The following HBS1L variants were observed in gnomAD, a reference collection of about 807,000 sequenced individuals.
HBS1L encodes HBS1-like protein.
Under a neutral mutation model 88.9 loss-of-function variants are expected in HBS1L, and 55 were observed. The ratio of observed to expected loss-of-function variants is 0.62; its 90% CI spans 0.50 to 0.77. The LOEUF is 0.77. Among genes scored for constraint, HBS1L ranks in the 30% least tolerant of loss-of-function variants. The probability of loss-of-function intolerance (pLI) is 0.00; values close to 1 mark genes in which losing one functional copy is unlikely to be tolerated. For missense variants in HBS1L, 741 were observed against 829.3 expected, an observed-to-expected ratio of 0.89 and a Z score of 1.31; for synonymous variants, 267 against 288.5, an observed-to-expected ratio of 0.93 and a Z score of 0.76.
At chr6:134,969,178 T>C in intron 16 of HBS1L, 60 bp downstream of exon 16, 1 of 1,070,280 alleles carries the variant, frequency 9.3e-7, no homozygotes, top group Non-Finnish European at 1.5e-6. Context: ...CACAAATGAG[T>C]TAATCTTTAA....
intron 4 of HBS1L, among the ~76,000 whole-genome samples, chr6:135,009,921 T>C (rs1327648072): frequency 2.0e-5 from 3 of 152,052 alleles, no homozygotes; most frequent in Admixed American, 2.0e-4. Flanking sequence ...TGAACCACCG[T>C]GCCCGGCCTA....
At chr6:134,979,879 T>C (rs1454366945) in intron 13 of HBS1L, among the ~76,000 whole-genome samples, 5 of 151,982 alleles carry the variant, frequency 3.3e-5, no homozygotes, top group African/African-American at 9.7e-5. Flanking sequence ...AAGAAAAATA[T>C]TAAGGAAATA....
At position 134,979,711 on chromosome 6, in the gene HBS1L, C is replaced by T. The variant is rs78380581; in HGVS notation, c.1598-443G>A. On this transcript the variant is annotated intron_variant, in intron 13 of 17. Transcript: ENST00000367837. ...CGAGTTTTGCTTTTAATTAGACAAC[C>T]ACCTAAACAAATAATCCTTGTTTTC... is the stretch of plus-strand genomic sequence containing the variant. 9.4e-4 allele frequency among the ~76,000 whole-genome samples: 143 copies of T among 152,046 alleles called. 3 individuals are homozygous for T. The East Asian group carries it at 0.025, about 27-fold the overall frequency.
chr6:135,042,251 G>A, intron 2 of HBS1L, 125 bp from the exon 3 acceptor site: 3 of 764,304 alleles, frequency 3.9e-6, no homozygotes, highest in South Asian at 5.2e-5. Flanking sequence ...ATTTCATAAG[G>A]GATGAAAACA....
chr6:135,037,501 C>T (rs1020253577), intron 4 of HBS1L: 1 of 1,548,878 alleles, frequency 6.5e-7, no homozygotes, highest in African/African-American at 1.4e-5. Flanking sequence ...ATTATTTGAA[C>T]TTCCTAAACT....
At chr6:135,017,688 A>C (rs866222917) in intron 4 of HBS1L, among the ~76,000 whole-genome samples, 2 of 152,168 alleles carry the variant, frequency 1.3e-5, no homozygotes, top group Middle Eastern at 3.4e-3. Flanking sequence ...CAACATAAAG[A>C]ATAGAAACGC....
chr6:134,985,525 C>G (rs550817704), intron 11 of HBS1L, 116 bp from the exon 12 acceptor site: 48 of 607,300 alleles, frequency 7.9e-5, no homozygotes, highest in Non-Finnish European at 1.3e-4. Context: ...TTTATAATTA[C>G]TAATAGCAAC....
chr6:135,037,514 C>T lies in HBS1L; in HGVS notation c.430+2059G>A, dbSNP rs771800808. ...GGATTATTTGAACTTCCTAAACTGT[C>T]CTGTACTGGAATGTTTTGAAAATCA... is the stretch of plus-strand genomic sequence containing the variant. On this transcript the variant is annotated intron_variant, in intron 4 of 17. Transcript: ENST00000367837. The T allele has an allele frequency of 1.2e-5, 19 of 1,550,148 alleles. 1 individual carries two copies. The Middle Eastern group carries it at 1.0e-3, about 82-fold the overall frequency.
chr6:134,996,913 T>A lies in HBS1L; in HGVS notation c.829A>T (p.Met277Leu). ...GHVDAGKSTL[M>L]GHMLYLLGNI... ...CCCAGAAGATAAAGCATATGGCCCA[T>A]CAGAGTACTTTTCCCAGCATCAACA... Residue 277 changes from methionine (M) to leucine (L), a missense_variant, in exon 7 of 18, where the codon ATG becomes TTG. Transcript: ENST00000367837. 6.3e-7 allele frequency: 1 copy of A among 1,597,340 alleles called. No individual in the cohort carries two copies. Among genetic ancestry groups the A allele is most frequent in the African/African-American group, 1.3e-5 (1 of 74,078 alleles).
At chr6:135,036,939 T>C (rs1318752072) in intron 4 of HBS1L, 12 of 1,551,458 alleles carry the variant, frequency 7.7e-6, no homozygotes, top group Non-Finnish European at 1.0e-5. Flanking sequence ...ATGGGTCTAC[T>C]ACAGGCTTTG....
At chr6:135,001,638 ATTATT>A (rs982511872) in intron 5 of HBS1L, among the ~76,000 whole-genome samples, 17 of 152,272 alleles carry the variant, frequency 1.1e-4, no homozygotes, top group African/African-American at 4.1e-4. Flanking sequence ...AGAATTCTAA[ATTATT>A]TTAACAGGCT....
intron 7 of HBS1L, among the ~76,000 whole-genome samples, 199 bp from the exon 8 acceptor site, chr6:134,994,074 T>C (rs917655250): frequency 2.6e-5 from 4 of 152,058 alleles, no homozygotes; most frequent in African/African-American, 7.2e-5. Flanking sequence ...GGTTTTAACA[T>C]AAAAGGGAGG....
At chr6:135,028,840 A>C (rs1433628882) in intron 4 of HBS1L, among the ~76,000 whole-genome samples, 1 of 152,106 alleles carries the variant, frequency 6.6e-6, no homozygotes, top group Non-Finnish European at 1.5e-5. Flanking sequence ...CTAGCAGTAA[A>C]TACAACAACA....
intron 4 of HBS1L, chr6:135,035,832 TCCATTCAAAGAA>T (rs1776529588): frequency 1.7e-6 from 1 of 599,038 alleles, no homozygotes; most frequent in African/African-American, 2.1e-5. Flanking sequence ...GGTAAAATTC[TCCATTCAAAGAA>T]CATGCAACCA....
In HBS1L at chr6:135,011,838, G is replaced by A. The variant is rs187449858; in HGVS notation, c.431-8996C>T. 2.7e-4 allele frequency among the ~76,000 whole-genome samples: 41 copies of A among 151,374 alleles called. No individual in the cohort carries two copies. The East Asian group carries it at 6.6e-3, about 24-fold the overall frequency. On this transcript the variant is annotated intron_variant, in intron 4 of 17. Coordinates refer to ENST00000367837, the MANE Select transcript of HBS1L (RefSeq NM_006620.4). ...GGAGAATCACTTGAACCCAGGAGGC[G>A]GAGGTTGAAGTGAGCCAAGATTGTG...
At chr6:135,053,845 A>G (rs1777161293) in intron 1 of HBS1L, among the ~76,000 whole-genome samples, 1 of 152,250 alleles carries the variant, frequency 6.6e-6, no homozygotes, top group Admixed American at 6.5e-5. Flanking sequence ...CTGCATGAAG[A>G]GGGATGTGCT....
chr6:134,979,264 G>T lies in HBS1L; in HGVS notation c.1602C>A (p.Ile534=). 1 of 1,610,774 alleles carries T rather than the reference G, an allele frequency of 6.2e-7. No individual in the cohort carries two copies. Among genetic ancestry groups the T allele is most frequent in the South Asian group, 1.1e-5 (1 of 90,950 alleles). ...AGTCGACAGGTTCATCATGCAGAGTGATTCCTGGAAATGAGTAAGAACCAA... is the reference window on the plus strand; with the variant it reads ...AGTCGACAGGTTCATCATGCAGAGTTATTCCTGGAAATGAGTAAGAACCAA... ...PPNETCTVKG[I]TLHDEPVDWA... is the part of the protein sequence containing the mutation. Residue 534 remains isoleucine (I), a synonymous_variant, in exon 14 of 18, where the codon ATC becomes ATA. Transcript: ENST00000367837.
chr6:135,009,381 G>A (rs1775703687), intron 4 of HBS1L, among the ~76,000 whole-genome samples: 5 of 152,098 alleles, frequency 3.3e-5, no homozygotes, highest in Admixed American at 2.6e-4. Context: ...AGTAATTCTA[G>A]AAGGCTTAAC....
chr6:135,049,635 G>T (rs1223493710), intron 2 of HBS1L, among the ~76,000 whole-genome samples: 1 of 152,030 alleles, frequency 6.6e-6, no homozygotes, highest in African/African-American at 2.4e-5. Context: ...ACAATGGTGT[G>T]ATCTCAGCTC....
Sources: allele counts gnomAD v4.1 joint callset (sites outside exome capture counted in the v4.1 genomes callset), GRCh38; gene constraint gnomAD v4.1.1; transcripts MANE v1.5; gene names NCBI Gene and HGNC (gene_info 2026-07-23, HGNC 2026-07-21).